IQGAP2: variants seen among roughly 807,000 people sequenced by gnomAD.
The protein encoded by IQGAP2 is IQ motif containing GTPase activating protein 2, also known as ras GTPase-activating-like protein IQGAP2.
Under a neutral mutation model 201.3 loss-of-function variants are expected in IQGAP2, and 173 were observed. The observed-to-expected ratio is 0.86, with a 90% CI of 0.76 to 0.98. The LOEUF (loss-of-function observed/expected upper bound fraction) is 0.98, where lower values mean the gene tolerates loss of function less well. Ranked by LOEUF, IQGAP2 falls within the 50% of genes least tolerant of loss-of-function variation. The pLI is 0.00. For synonymous variants in IQGAP2, 675 were observed against 673.9 expected, an observed-to-expected ratio of 1.00 and a Z score of -0.03; for missense variants, 1,687 against 1,864.8, an observed-to-expected ratio of 0.90 and a Z score of 1.76.
At chr5:76,482,061 A>G (rs187585923) in intron 2 of IQGAP2, among the ~76,000 whole-genome samples, 8 of 152,352 alleles carry the variant, frequency 5.3e-5, no homozygotes, top group Admixed American at 3.9e-4. Context: ...TACCACAGAA[A>G]GGAGAAACAG....
chr5:76,505,508 T>A (rs969780728), intron 2 of IQGAP2, among the ~76,000 whole-genome samples: 1 of 152,178 alleles, frequency 6.6e-6, no homozygotes, highest in Non-Finnish European at 1.5e-5. Flanking sequence ...TAGGGAGACA[T>A]TGAGGAGACT....
Position 76,597,495 on chromosome 5 carries a change from A to C in IQGAP2, c.964A>C (p.Thr322Pro). 1 of 1,614,070 alleles carries C rather than the reference A, an allele frequency of 6.2e-7. No homozygotes were observed. Among genetic ancestry groups the C allele is most frequent in the Non-Finnish European group, 8.5e-7 (1 of 1,179,996 alleles). ...AVIPEGDPEN[T>P]LLALKKPEAQ... ...CATTCCGGAAGGTGACCCCGAGAAT[A>C]CGCTGCTTGCACTGAAGAAACCAGA... The change falls in exon 10 of 36, where the codon ACG becomes CCG. Residue 322 changes from threonine to proline, a missense_variant. Transcript: ENST00000274364.
At chr5:76,619,648 C>G (rs918582573) in intron 13 of IQGAP2, among the ~76,000 whole-genome samples, 1 of 151,700 alleles carries the variant, frequency 6.6e-6, no homozygotes, top group African/African-American at 2.4e-5. Context: ...TCCCCAGTAG[C>G]TGGGACTACA....
intron 5 of IQGAP2, 24 bp downstream of exon 5, chr5:76,575,793 G>A (rs1745432651): frequency 7.3e-7 from 1 of 1,370,186 alleles, no homozygotes; most frequent in Non-Finnish European, 1.0e-6. Flanking sequence ...GCAGCTAAAA[G>A]GTGCTCTAAG....
intron 2 of IQGAP2, among the ~76,000 whole-genome samples, chr5:76,503,067 G>A (rs778538481): frequency 6.6e-6 from 1 of 151,772 alleles, no homozygotes; most frequent in Non-Finnish European, 1.5e-5. Context: ...TCTTATGATA[G>A]GTTACTCCTG....
At chr5:76,404,355 TAACACC>T in intron 1 of IQGAP2, 1 of 576,180 alleles carries the variant, frequency 1.7e-6, no homozygotes, top group Non-Finnish European at 2.2e-6. Flanking sequence ...GGAGCCAGAT[TAACACC>T]AACCACGTGG....
At chr5:76,496,761 C>CTTTCTTTCTTTCTTTCTTTCTTTCT in intron 2 of IQGAP2, among the ~76,000 whole-genome samples, 1 of 89,048 alleles carries the variant, frequency 1.1e-5, no homozygotes, top group Non-Finnish European at 2.1e-5. Context: ...TTCTTTCTTT[C>CTTTCTTTCTTTCTTTCTTTCTTTCT]TTTCTTTCTT....
chr5:76,580,207 C>T (rs189290350), intron 5 of IQGAP2, among the ~76,000 whole-genome samples: 2,823 of 151,098 alleles, frequency 0.019, 38 homozygotes, highest in Middle Eastern at 0.061. Flanking sequence ...ACCTGGGAGG[C>T]GGAGGTTGCA....
chr5:76,636,878 C>G (rs940272011), intron 15 of IQGAP2, among the ~76,000 whole-genome samples, 156 bp from the exon 16 acceptor site: 2 of 152,196 alleles, frequency 1.3e-5, no homozygotes, highest in African/African-American at 4.8e-5. Flanking sequence ...TTAAATACAT[C>G]GAATTCATTC....
At chr5:76,532,604 T>C (rs1318247863) in intron 2 of IQGAP2, among the ~76,000 whole-genome samples, 1 of 151,990 alleles carries the variant, frequency 6.6e-6, no homozygotes, top group Non-Finnish European at 1.5e-5. Flanking sequence ...CTCATGAGGG[T>C]TCTTCAAAGA....
At chr5:76,597,319 C>T in intron 9 of IQGAP2, 120 bp from the exon 10 acceptor site, 1 of 952,136 alleles carries the variant, frequency 1.1e-6, no homozygotes, top group Non-Finnish European at 1.6e-6. Context: ...CTGCCTGCAG[C>T]TTTTCAGAGT....
intron 2 of IQGAP2, among the ~76,000 whole-genome samples, chr5:76,468,049 C>CT (rs1754881178): frequency 6.6e-6 from 1 of 152,234 alleles, no homozygotes; most frequent in Admixed American, 6.5e-5. Context: ...GGTTGCACAA[C>CT]TTTGAGTATA....
chr5:76,516,469 T>G (rs1758330600), intron 2 of IQGAP2, among the ~76,000 whole-genome samples: 1 of 152,234 alleles, frequency 6.6e-6, no homozygotes, highest in Non-Finnish European at 1.5e-5. Flanking sequence ...CAACAGTAGC[T>G]GATGGCATAT....
chr5:76,694,684 A>G (rs1405848844), intron 31 of IQGAP2, among the ~76,000 whole-genome samples: 2 of 152,192 alleles, frequency 1.3e-5, no homozygotes, highest in African/African-American at 4.8e-5. Context: ...ACCTGGTAAT[A>G]ATGTTCCAAT....
Position 76,496,725 on chromosome 5 carries a change from T to TTTTCTTTC in IQGAP2, c.146+35118_146+35125dup, listed in dbSNP as rs774957947. On this transcript the variant is annotated intron_variant, in intron 2 of 35. Coordinates refer to ENST00000274364, the MANE Select transcript of IQGAP2 (RefSeq NM_006633.5). ...GTCTCTTTCTTTCTTTCTTTCTTTCTTTTCTTTCTTTCTTTCTTTCTTTCT... is the reference window on the plus strand; with the variant it reads ...GTCTCTTTCTTTCTTTCTTTCTTTCTTTTCTTTCTTTCTTTCTTTCTTTCTTTCTTTCT... Among the ~76,000 whole-genome samples, 26 of 93,668 alleles carry TTTTCTTTC rather than the reference T, an allele frequency of 2.8e-4. No individual in the cohort carries two copies. The East Asian group carries it at 3.3e-3, about 12-fold the overall frequency. The allele number at this position is 93,668 out of a possible 152,430, so 61.4% of individuals were successfully genotyped here. A position where few individuals can be genotyped will look rare whatever the true frequency, so the allele number is the denominator to read the frequency against.
intron 2 of IQGAP2, among the ~76,000 whole-genome samples, chr5:76,527,626 G>A (rs761270546): frequency 2.3e-4 from 35 of 152,284 alleles, no homozygotes; most frequent in Admixed American, 1.5e-3. Context: ...TATAATTGTC[G>A]TATTAATCTC....
chr5:76,520,046 A>G (rs142015034), intron 2 of IQGAP2, among the ~76,000 whole-genome samples: 1,869 of 151,500 alleles, frequency 0.012, 18 homozygotes, highest in Non-Finnish European at 0.02. Flanking sequence ...ATAAAGTCCA[A>G]TTTATCTTTT....
At chr5:76,706,076 G>T (rs567978555) in intron 35 of IQGAP2, among the ~76,000 whole-genome samples, 1 of 152,282 alleles carries the variant, frequency 6.6e-6, no homozygotes, top group African/African-American at 2.4e-5. Flanking sequence ...GCGGACCACC[G>T]CTTTGTACAA....
In IQGAP2 at chr5:76,519,003, T is replaced by G. The variant is rs114866186; in HGVS notation, c.147-43393T>G. Among the ~76,000 whole-genome samples the G allele has an allele frequency of 9.0e-3, 1,378 of 152,290 alleles. 14 individuals carry two copies. The highest frequency in any genetic ancestry group is 0.032 in the African/African-American group (1,317 of 41,552). On this transcript the variant is annotated intron_variant, in intron 2 of 35. Coordinates refer to ENST00000274364, the MANE Select transcript of IQGAP2 (RefSeq NM_006633.5). ...TCCCATACCAGAGAAGATGAGACAATGAGTCTACCATCCTAACAAACCCAA... is the reference window on the plus strand; with the variant it reads ...TCCCATACCAGAGAAGATGAGACAAGGAGTCTACCATCCTAACAAACCCAA...
Sources: allele counts gnomAD v4.1 joint callset (sites outside exome capture counted in the v4.1 genomes callset), GRCh38; gene constraint gnomAD v4.1.1; transcripts MANE v1.5; gene names NCBI Gene and HGNC (gene_info 2026-07-23, HGNC 2026-07-21).